TPST2: variants seen among roughly 807,000 people sequenced by gnomAD.
TPST2 encodes tyrosylprotein sulfotransferase 2, also known as protein-tyrosine sulfotransferase 2.
In TPST2, 16 loss-of-function variants were observed where a neutral mutation model predicts 27.8. The observed-to-expected ratio is 0.58, with a 90% CI of 0.39 to 0.88. The LOEUF (loss-of-function observed/expected upper bound fraction) is 0.88. Among genes scored for constraint, TPST2 ranks in the 40% least tolerant of loss-of-function variants. TPST2 has a pLI of 0.00. For missense variants in TPST2, 464 were observed against 543.1 expected (o/e 0.85, Z 1.45); for synonymous variants, 229 against 231.7 (o/e 0.99, Z 0.10).
At chr22:26,543,426 G>A (rs1269033320) in intron 2 of TPST2, 1 of 152,086 alleles carries the variant, frequency 6.6e-6, no homozygotes, top group Non-Finnish European at 1.5e-5. Flanking sequence ...CCAGAATCCT[G>A]TCAGTTATTA....
At chr22:26,529,992 GA>G (rs1925064446) in intron 5 of TPST2, among the ~76,000 whole-genome samples, 1 of 152,208 alleles carries the variant, frequency 6.6e-6, no homozygotes, top group African/African-American at 2.4e-5. Flanking sequence ...CTGACGTCAA[GA>G]AAGTAGCCAG....
chr22:26,586,700 C>A (rs551681665), intron 1 of TPST2, among the ~76,000 whole-genome samples: 1 of 152,288 alleles, frequency 6.6e-6, no homozygotes, highest in African/African-American at 2.4e-5. Context: ...CCCAGATGAA[C>A]CAAGTTGTCA....
chr22:26,587,385 G>A (rs969522440), intron 1 of TPST2, among the ~76,000 whole-genome samples: 2 of 152,128 alleles, frequency 1.3e-5, no homozygotes, highest in African/African-American at 2.4e-5. Context: ...CACTTAGACC[G>A]GAGTGCAGTG....
rs1179258065 is a variant in TPST2, at chr22:26,524,486, G to A, written c.*1789C>T. 1 of 151,472 alleles carries A rather than the reference G, an allele frequency of 6.6e-6. No individual in the cohort carries two copies. The highest frequency in any genetic ancestry group is 2.4e-5 in the African/African-American group (1 of 40,940). 9.4% of individuals were successfully genotyped at this position (151,472 alleles called of 1,614,324 possible). A position where few individuals can be genotyped will look rare whatever the true frequency, so the allele number is the denominator to read the frequency against. On this transcript the variant is annotated 3_prime_UTR_variant, in exon 7 of 7. Coordinates refer to ENST00000338754, the MANE Select transcript of TPST2 (RefSeq NM_003595.5). ...CACGCCACTGTACTCTAGCCTGAGT[G>A]ACAGAGCGAGATTCTGTCTAAACAC...
chr22:26,535,032 AGC>A (rs1925372362), intron 4 of TPST2, among the ~76,000 whole-genome samples: 1 of 152,178 alleles, frequency 6.6e-6, no homozygotes, highest in African/African-American at 2.4e-5. Context: ...CCACAGACAA[AGC>A]TTACACTTCA....
At chr22:26,570,835 C>T (rs1029826120) in intron 1 of TPST2, among the ~76,000 whole-genome samples, 1 of 152,138 alleles carries the variant, frequency 6.6e-6, no homozygotes, top group Admixed American at 6.5e-5. Flanking sequence ...TTCTTTCTCA[C>T]CCTAATCCAA....
chr22:26,557,065 G>A (rs533338781), intron 1 of TPST2, among the ~76,000 whole-genome samples: 1 of 152,348 alleles, frequency 6.6e-6, no homozygotes, highest in South Asian at 2.1e-4. Flanking sequence ...ATATAAGTAG[G>A]TAGGAGATGG....
At chr22:26,536,188 T>C (rs1431443483) in intron 4 of TPST2, 100 bp downstream of exon 4, 3 of 1,360,756 alleles carry the variant, frequency 2.2e-6, no homozygotes, top group African/African-American at 1.4e-5. Context: ...TGACCAGGAA[T>C]TGAGAGACTG....
Position 26,550,994 on chromosome 22 carries a change from G to C in TPST2, c.-160-6319C>G, listed in dbSNP as rs376393771. On this transcript the variant is annotated intron_variant, in intron 1 of 6. Transcript: ENST00000338754. ...TGCAGCCTTAAAAATATTAGCTCAG[G>C]CCAGGCACAGTGGCTCACGCCAGGC... 8.5e-4 allele frequency among the ~76,000 whole-genome samples: 129 copies of C among 152,318 alleles called. 2 individuals carry two copies. The South Asian group carries it at 0.026, about 30-fold the overall frequency.
At chr22:26,566,521 C>T (rs1012893476) in intron 1 of TPST2, among the ~76,000 whole-genome samples, 3 of 151,616 alleles carry the variant, frequency 2.0e-5, no homozygotes, top group Non-Finnish European at 2.9e-5. Flanking sequence ...CCACTGAACT[C>T]CAACTTGGTG....
At chr22:26,584,369 G>C (rs115868461) in intron 1 of TPST2, among the ~76,000 whole-genome samples, 2,162 of 152,296 alleles carry the variant, frequency 0.014, 42 homozygotes, top group African/African-American at 0.049. Context: ...CATCAGGGAA[G>C]GAGTGTGGAC....
chr22:26,578,368 CA>C (rs1927943398), intron 1 of TPST2, among the ~76,000 whole-genome samples: 1 of 152,196 alleles, frequency 6.6e-6, no homozygotes, highest in Non-Finnish European at 1.5e-5. Flanking sequence ...GGAACCTACA[CA>C]AAATGCAGAT....
At chr22:26,528,144 G>A in intron 6 of TPST2, 70 bp downstream of exon 6, 1 of 1,534,184 alleles carries the variant, frequency 6.5e-7, no homozygotes, top group Non-Finnish European at 8.8e-7. Context: ...CAGAAAAGTG[G>A]CTTTTCAGAA....
intron 1 of TPST2, among the ~76,000 whole-genome samples, chr22:26,582,574 T>A (rs1333238403): frequency 1.3e-5 from 2 of 152,196 alleles, no homozygotes; most frequent in African/African-American, 4.8e-5. Context: ...TGGGTTACTT[T>A]TTCTTGCCTG....
At position 26,551,883 on chromosome 22, in the gene TPST2, C is replaced by CTTTTTTTTTTTTTTTT. The variant is rs1163793644; in HGVS notation, c.-160-7224_-160-7209dup. ...ATTCTTTTCCTTTTCTTTTCTTTTT[C>CTTTTTTTTTTTTTTTT]TTTTTTTTTTTTTTTTTTTTTTTGA... On this transcript the variant is annotated intron_variant, in intron 1 of 6. Transcript: ENST00000338754. 1.0e-3 allele frequency among the ~76,000 whole-genome samples: 67 copies of CTTTTTTTTTTTTTTTT among 66,408 alleles called. 1 individual carries two copies. The highest frequency in any genetic ancestry group is 1.3e-3 in the East Asian group (3 of 2,298). The allele number at this position is 66,408 out of a possible 152,430, so 43.6% of individuals were successfully genotyped here. A position where few individuals can be genotyped will look rare whatever the true frequency, so the allele number is the denominator to read the frequency against.
chr22:26,573,933 G>A (rs1380341847), intron 1 of TPST2, among the ~76,000 whole-genome samples: 1 of 152,166 alleles, frequency 6.6e-6, no homozygotes, highest in Non-Finnish European at 1.5e-5. Flanking sequence ...GGAAGAACCG[G>A]AAGAATTGCA....
At chr22:26,570,056 A>AC in intron 1 of TPST2, among the ~76,000 whole-genome samples, 22 of 150,076 alleles carry the variant, frequency 1.5e-4, no homozygotes, top group Non-Finnish European at 1.0e-4. Context: ...AGAAAGAAAG[A>AC]AAGAAAGAAG....
Position 26,525,814 on chromosome 22 carries a change from T to C in TPST2, c.*461A>G, listed in dbSNP as rs1264122305. ...TTATTCAAAGAGTATTTTTTTCCTC[T>C]GTGAAACTAGGTAGAACTGAGGAGG... On this transcript the variant is annotated 3_prime_UTR_variant, in exon 7 of 7. Transcript: ENST00000338754. 1 of 152,574 alleles carries C rather than the reference T, an allele frequency of 6.6e-6. No individual in the cohort carries two copies. Among genetic ancestry groups the C allele is most frequent in the East Asian group, 1.9e-4 (1 of 5,206 alleles). The allele number at this position is 152,574 out of a possible 1,614,324, so 9.5% of individuals were successfully genotyped here. A position where few individuals can be genotyped will look rare whatever the true frequency, so the allele number is the denominator to read the frequency against.
chr22:26,585,907 C>T, intron 1 of TPST2, among the ~76,000 whole-genome samples: 1 of 152,024 alleles, frequency 6.6e-6, no homozygotes, highest in Non-Finnish European at 1.5e-5. Flanking sequence ...AAAAATTAGT[C>T]AGGCATATGC....
Sources: allele counts gnomAD v4.1 joint callset (sites outside exome capture counted in the v4.1 genomes callset), GRCh38; gene constraint gnomAD v4.1.1; transcripts MANE v1.5; gene names NCBI Gene and HGNC (gene_info 2026-07-23, HGNC 2026-07-21).